Variants in RBFOX1 observed in about 807,000 individuals in gnomAD.
The protein encoded by RBFOX1 is RNA binding protein fox-1 homolog 1.
A neutral mutation model predicts 57.7 loss-of-function variants in RBFOX1; 8 were observed. That is an observed-to-expected ratio of 0.14 (90% CI 0.08 to 0.25). RBFOX1 has a LOEUF of 0.25. RBFOX1 is among the 10% of genes least tolerant of loss of function. RBFOX1 has a pLI of 1.00. For synonymous variants in RBFOX1, 326 were observed against 222.4 expected (o/e 1.47, Z -4.15); for missense variants, 611 against 548.5 (o/e 1.11, Z -1.14).
At chr16:6,591,110 AAG>A (rs2153988123) in intron 2 of RBFOX1, among the ~76,000 whole-genome samples, 1 of 152,264 alleles carries the variant, frequency 6.6e-6, no homozygotes, top group East Asian at 1.9e-4. Context: ...TTCTTTGTCT[AAG>A]AGTTCGCACA....
intron 3 of RBFOX1, among the ~76,000 whole-genome samples, chr16:6,895,294 T>C (rs750434345): frequency 1.3e-5 from 2 of 151,456 alleles, no homozygotes; most frequent in Non-Finnish European, 1.5e-5. Context: ...TGGATAGCTC[T>C]AAAAAATATA....
At chr16:6,864,400 G>T (rs1388632410) in intron 3 of RBFOX1, among the ~76,000 whole-genome samples, 3 of 151,984 alleles carry the variant, frequency 2.0e-5, no homozygotes, top group African/African-American at 7.2e-5. Context: ...TACTTTTGCA[G>T]GCACAGAAAT....
At chr16:7,570,075 A>T (rs550932993) in intron 5 of RBFOX1, among the ~76,000 whole-genome samples, 3 of 152,334 alleles carry the variant, frequency 2.0e-5, no homozygotes, top group Admixed American at 2.0e-4. Flanking sequence ...CTCCAAAAAG[A>T]AAAGAATATA....
chr16:6,893,291 C>G (rs117717340), intron 3 of RBFOX1, among the ~76,000 whole-genome samples: 2 of 152,182 alleles, frequency 1.3e-5, no homozygotes, highest in Non-Finnish European at 2.9e-5. Flanking sequence ...TCTTAGATTA[C>G]TGGGAGTCGG....
chr16:7,407,905 G>A lies in RBFOX1; in HGVS notation c.28-110242G>A, dbSNP rs1435539885. Among the ~76,000 whole-genome samples the A allele has an allele frequency of 6.6e-5, 10 of 152,300 alleles. No individual in the cohort carries two copies. In the Middle Eastern group the frequency reaches 0.01, roughly 155 times the overall value. On this transcript the variant is annotated intron_variant, in intron 4 of 15. Coordinates refer to ENST00000550418, the MANE Select transcript of RBFOX1 (RefSeq NM_018723.4). Reference sequence around the variant, plus strand: ...CAGAACATTATGGGAACACAGCCATGCCCATTTGTTTACCAATCGTGGGTG... The same window carrying A: ...CAGAACATTATGGGAACACAGCCATACCCATTTGTTTACCAATCGTGGGTG...
chr16:5,818,753 C>T (rs1432874095), intron 3 of RBFOX1, among the ~76,000 whole-genome samples: 1 of 152,198 alleles, frequency 6.6e-6, no homozygotes, highest in Non-Finnish European at 1.5e-5. Flanking sequence ...TTGCTGGTTA[C>T]TGCTGCCTGC....
intron 1 of RBFOX1, among the ~76,000 whole-genome samples, chr16:5,243,645 T>C (rs2062224556): frequency 6.6e-6 from 1 of 152,090 alleles, no homozygotes; most frequent in East Asian, 1.9e-4. Context: ...GAGTGGTACA[T>C]GAGCAAAACC....
chr16:6,255,453 G>A (rs4786846), intron 1 of RBFOX1, among the ~76,000 whole-genome samples: 114,838 of 152,008 alleles, frequency 0.76, 45,638 homozygotes, highest in Non-Finnish European at 0.87. Flanking sequence ...GTGTGAAGCT[G>A]TAGCTCTGGT....
At chr16:5,836,458 C>T (rs1240829116) in intron 3 of RBFOX1, among the ~76,000 whole-genome samples, 1 of 152,168 alleles carries the variant, frequency 6.6e-6, no homozygotes, top group Non-Finnish European at 1.5e-5. Context: ...CTGTTCTGCT[C>T]CCCATCTCAG....
At chr16:6,404,313 C>T (rs1276307332) in intron 2 of RBFOX1, among the ~76,000 whole-genome samples, 2 of 152,036 alleles carry the variant, frequency 1.3e-5, no homozygotes, top group Non-Finnish European at 2.9e-5. Flanking sequence ...AATTCCATGC[C>T]ATTTGCTGTC....
intron 3 of RBFOX1, among the ~76,000 whole-genome samples, chr16:6,692,138 G>A (rs887036026): frequency 1.3e-5 from 2 of 152,164 alleles, no homozygotes; most frequent in African/African-American, 2.4e-5. Context: ...TAAGTTAGTG[G>A]TAACATATTC....
At chr16:5,466,130 C>G (rs1439824745) in intron 1 of RBFOX1, among the ~76,000 whole-genome samples, 1 of 152,216 alleles carries the variant, frequency 6.6e-6, no homozygotes, top group Non-Finnish European at 1.5e-5. Flanking sequence ...TCGTCTTGTT[C>G]AATTCTGGAA....
intron 1 of RBFOX1, among the ~76,000 whole-genome samples, chr16:5,421,312 C>T (rs1161287552): frequency 6.6e-6 from 1 of 152,154 alleles, no homozygotes; most frequent in Non-Finnish European, 1.5e-5. Context: ...CGGCTATCAT[C>T]CACCTTCTTC....
chr16:7,136,601 G>A (rs143401768), intron 4 of RBFOX1, among the ~76,000 whole-genome samples: 1 of 151,974 alleles, frequency 6.6e-6, no homozygotes, highest in East Asian at 1.9e-4. Flanking sequence ...TTGTTGTGTA[G>A]AGGCTGGGTC....
chr16:7,142,593 G>A (rs112335166), intron 4 of RBFOX1, among the ~76,000 whole-genome samples: 4 of 152,146 alleles, frequency 2.6e-5, no homozygotes, highest in Non-Finnish European at 5.9e-5. Context: ...TTTCTCACTG[G>A]GATTTTCCCT....
chr16:5,457,361 C>G (rs931757147), intron 1 of RBFOX1, among the ~76,000 whole-genome samples: 1 of 152,192 alleles, frequency 6.6e-6, no homozygotes, highest in African/African-American at 2.4e-5. Flanking sequence ...TCTCGAACTT[C>G]TGACCTCAGG....
At chr16:5,284,033 C>T (rs1160129054) in intron 1 of RBFOX1, among the ~76,000 whole-genome samples, 8 of 152,068 alleles carry the variant, frequency 5.3e-5, no homozygotes, top group African/African-American at 1.9e-4. Context: ...GGGGGCATGT[C>T]TTTCCCATGC....
At position 6,081,800 on chromosome 16, in the gene RBFOX1, A is replaced by G. The variant is rs574381973; in HGVS notation, c.-127+61808A>G. ...TGAACAGCCGTGTGCCTCTCTTTCCATTGTTGGTAGATTCCAGCTACCTGC... is the reference window on the plus strand; with the variant it reads ...TGAACAGCCGTGTGCCTCTCTTTCCGTTGTTGGTAGATTCCAGCTACCTGC... On this transcript the variant is annotated intron_variant, in intron 1 of 15. Coordinates refer to ENST00000550418, the MANE Select transcript of RBFOX1 (RefSeq NM_018723.4). Among the ~76,000 whole-genome samples, 11 of 152,278 alleles carry G rather than the reference A, an allele frequency of 7.2e-5. No homozygotes were observed. The East Asian group carries it at 1.7e-3, about 24-fold the overall frequency.
chr16:7,600,405 A>G (rs1466058822), intron 9 of RBFOX1, among the ~76,000 whole-genome samples: 1 of 152,220 alleles, frequency 6.6e-6, no homozygotes, highest in African/African-American at 2.4e-5. Context: ...GAGTATCACC[A>G]CTACAGATAA....
Sources: allele counts gnomAD v4.1 joint callset (sites outside exome capture counted in the v4.1 genomes callset), GRCh38; gene constraint gnomAD v4.1.1; transcripts MANE v1.5; gene names NCBI Gene and HGNC (gene_info 2026-07-23, HGNC 2026-07-21).